Variants in KIAA1328 observed in about 807,000 individuals in gnomAD.
The protein encoded by KIAA1328 is protein hinderin.
A neutral mutation model predicts 68.1 loss-of-function variants in KIAA1328; 52 were observed. The ratio of observed to expected loss-of-function variants is 0.76; its 90% CI spans 0.61 to 0.96. The LOEUF is 0.96. Ranked by LOEUF, KIAA1328 falls within the 40% of genes least tolerant of loss-of-function variation. The pLI is 0.00. For missense variants in KIAA1328, 641 were observed against 677.6 expected (o/e 0.95, Z 0.60); for synonymous variants, 232 against 239.4 (o/e 0.97, Z 0.28).
chr18:36,841,520 C>T (rs1568063217), intron 3 of KIAA1328, among the ~76,000 whole-genome samples: 1 of 151,936 alleles, frequency 6.6e-6, no homozygotes, highest in African/African-American at 2.4e-5. Flanking sequence ...CTTTCCTCAT[C>T]ATGTTTTCTT....
chr18:37,077,640 G>T (rs1185775881), intron 7 of KIAA1328, among the ~76,000 whole-genome samples: 2 of 150,988 alleles, frequency 1.3e-5, no homozygotes, highest in Non-Finnish European at 2.9e-5. Flanking sequence ...AAAGTCTCAG[G>T]ATACAAAATC....
At chr18:37,217,434 T>A (rs1007788235) in intron 9 of KIAA1328, among the ~76,000 whole-genome samples, 2 of 152,190 alleles carry the variant, frequency 1.3e-5, no homozygotes, top group African/African-American at 4.8e-5. Flanking sequence ...TGAAGCTTAG[T>A]TTGGCTGGAT....
In KIAA1328 at chr18:36,829,138, G is replaced by C; in HGVS notation, c.-1G>C. 2 of 1,534,312 alleles carry C rather than the reference G, an allele frequency of 1.3e-6. No homozygotes were observed. Among genetic ancestry groups the C allele is most frequent in the Non-Finnish European group, 1.8e-6 (2 of 1,142,316 alleles). ...ACGCCCCGAGTGGCGGTTGTTTCAA[G>C]ATGGCGGACGTGGCGGGCCCCTCCC... On this transcript the variant is annotated 5_prime_UTR_variant, in exon 1 of 10. Coordinates refer to ENST00000280020, the MANE Select transcript of KIAA1328 (RefSeq NM_020776.3).
chr18:36,829,233 C>A, intron 1 of KIAA1328, 37 bp downstream of exon 1: 1 of 1,487,588 alleles, frequency 6.7e-7, no homozygotes. Flanking sequence ...CGCCGGCGCC[C>A]TCCACGGGAC....
At chr18:36,968,777 A>G (rs2052049161) in intron 6 of KIAA1328, among the ~76,000 whole-genome samples, 1 of 152,098 alleles carries the variant, frequency 6.6e-6, no homozygotes. Context: ...ACTGGACCAA[A>G]TGGATCTGAT....
chr18:37,083,878 T>C (rs2057021963), intron 7 of KIAA1328, among the ~76,000 whole-genome samples: 2 of 152,192 alleles, frequency 1.3e-5, no homozygotes. Flanking sequence ...TCTATAATTT[T>C]GAATTTTTAA....
intron 6 of KIAA1328, among the ~76,000 whole-genome samples, chr18:37,003,213 A>G (rs911339703): frequency 6.6e-6 from 1 of 152,176 alleles, no homozygotes; most frequent in South Asian, 2.1e-4. Flanking sequence ...AAAGGCTTAA[A>G]TTTAAAACCC....
At chr18:36,880,192 G>T (rs1038678607) in intron 4 of KIAA1328, among the ~76,000 whole-genome samples, 2 of 152,214 alleles carry the variant, frequency 1.3e-5, no homozygotes, top group Admixed American at 6.5e-5. Flanking sequence ...TCTGTGGGTT[G>T]TGAAGACCGT....
rs937458723 is a variant in KIAA1328 at position 36,834,314 on chromosome 18, G to A, written c.59-6G>A. On this transcript the variant is annotated splice_polypyrimidine_tract_variant and splice_region_variant and intron_variant, in intron 1 of 9. Transcript: ENST00000280020. The stretch of plus-strand genomic sequence containing the variant: ...ATTGTATTTTCCTTCATGTTCTCCT[G>A]CGTAGTTTCTGATGAAGAACAATCA... 3.2e-6 allele frequency: 5 copies of A among 1,581,166 alleles called. No individual in the cohort carries two copies. Among genetic ancestry groups the A allele is most frequent in the Non-Finnish European group, 4.3e-6 (5 of 1,164,678 alleles).
At chr18:36,915,031 C>T (rs2049630326) in intron 5 of KIAA1328, among the ~76,000 whole-genome samples, 2 of 152,118 alleles carry the variant, frequency 1.3e-5, no homozygotes, top group Admixed American at 6.5e-5. Flanking sequence ...CAGCTATTCA[C>T]AAGATGATTC....
At chr18:36,875,620 CA>C (rs1316968423) in intron 4 of KIAA1328, among the ~76,000 whole-genome samples, 1 of 152,154 alleles carries the variant, frequency 6.6e-6, no homozygotes, top group African/African-American at 2.4e-5. Context: ...CAAACAGAGA[CA>C]ATTTGACTTC....
chr18:37,038,088 G>A (rs2055099385), intron 6 of KIAA1328, among the ~76,000 whole-genome samples: 1 of 151,724 alleles, frequency 6.6e-6, no homozygotes, highest in African/African-American at 2.4e-5. Flanking sequence ...GTGGCAGAGT[G>A]AGACTCTGTC....
At chr18:37,085,538 C>T (rs1313224443) in intron 7 of KIAA1328, among the ~76,000 whole-genome samples, 1 of 152,134 alleles carries the variant, frequency 6.6e-6, no homozygotes, top group Admixed American at 6.5e-5. Context: ...ATGGGAGGGG[C>T]AGGGACGAGT....
At chr18:36,975,478 G>A (rs1408708276) in intron 6 of KIAA1328, among the ~76,000 whole-genome samples, 4 of 152,094 alleles carry the variant, frequency 2.6e-5, no homozygotes, top group Non-Finnish European at 1.5e-5. Context: ...CACCGCGCCC[G>A]GCCTACAAGC....
intron 5 of KIAA1328, among the ~76,000 whole-genome samples, chr18:36,947,096 G>A (rs1391215839): frequency 6.6e-6 from 1 of 152,096 alleles, no homozygotes; most frequent in East Asian, 1.9e-4. Flanking sequence ...CTTGGGAGGT[G>A]GAGGTTGCAG....
chr18:37,153,493 G>A (rs920726238), intron 7 of KIAA1328, among the ~76,000 whole-genome samples: 1 of 151,916 alleles, frequency 6.6e-6, no homozygotes, highest in Non-Finnish European at 1.5e-5. Flanking sequence ...GAAGATATTA[G>A]TATAAACTCT....
intron 4 of KIAA1328, among the ~76,000 whole-genome samples, chr18:36,878,409 T>C (rs1601108037): frequency 6.6e-6 from 1 of 152,214 alleles, no homozygotes; most frequent in South Asian, 2.1e-4. Flanking sequence ...CTTCTCTTTG[T>C]GGGTAACCCG....
Position 37,163,927 on chromosome 18 carries a change from G to A in KIAA1328, c.1414+3546G>A, listed in dbSNP as rs11875601. ...ACATAGTATGCAAGCATAGTAGAGG[G>A]CTATGAATAAACCCAGATATGTAGA... On this transcript the variant is annotated intron_variant, in intron 8 of 9. Transcript: ENST00000280020. 3.5e-3 allele frequency among the ~76,000 whole-genome samples: 540 copies of A among 152,216 alleles called. 3 individuals are homozygous for A. Among genetic ancestry groups the A allele is most frequent in the African/African-American group, 0.012 (508 of 41,524 alleles).
intron 3 of KIAA1328, among the ~76,000 whole-genome samples, chr18:36,839,032 C>T (rs2046772766): frequency 6.6e-6 from 1 of 152,120 alleles, no homozygotes; most frequent in Admixed American, 6.5e-5. Flanking sequence ...CATGCCCATC[C>T]TACCTTGGAG....
Sources: allele counts gnomAD v4.1 joint callset (sites outside exome capture counted in the v4.1 genomes callset), GRCh38; gene constraint gnomAD v4.1.1; transcripts MANE v1.5; gene names NCBI Gene and HGNC (gene_info 2026-07-23, HGNC 2026-07-21).